Variants in ADCY10 observed in about 807,000 individuals in gnomAD.
ADCY10 encodes the protein adenylate cyclase 10.
A neutral mutation model predicts 183.3 loss-of-function variants in ADCY10; 156 were observed. That is an observed-to-expected ratio of 0.85 (90% CI 0.75 to 0.97). The LOEUF (loss-of-function observed/expected upper bound fraction) is 0.97, where lower values mean the gene tolerates loss of function less well. ADCY10 is among the 50% of genes least tolerant of loss of function. The probability of loss-of-function intolerance (pLI) is 0.00; values close to 1 mark genes in which losing one functional copy is unlikely to be tolerated. For missense variants in ADCY10, 1,745 were observed against 1,934.3 expected (o/e 0.90, Z 1.84); for synonymous variants, 645 against 670.0 (o/e 0.96, Z 0.58).
intron 14 of ADCY10, among the ~76,000 whole-genome samples, chr1:167,869,449 C>T (rs1183395278): frequency 6.6e-6 from 1 of 152,126 alleles, no homozygotes; most frequent in Non-Finnish European, 1.5e-5. Flanking sequence ...GAGACCCTCT[C>T]ATATTGTTTT....
At chr1:167,815,104 G>A (rs567853690) in intron 31 of ADCY10, among the ~76,000 whole-genome samples, 7 of 152,074 alleles carry the variant, frequency 4.6e-5, no homozygotes, top group Non-Finnish European at 8.8e-5. Flanking sequence ...CAGCCTGGGC[G>A]ACAGAGTGAG....
chr1:167,849,896 A>C (rs551342876), intron 18 of ADCY10, among the ~76,000 whole-genome samples: 20 of 152,166 alleles, frequency 1.3e-4, no homozygotes, highest in Non-Finnish European at 2.8e-4. Context: ...AGGGGAATGG[A>C]GCGGCCCAGC....
chr1:167,874,127 A>T (rs203824), intron 13 of ADCY10, among the ~76,000 whole-genome samples: 56,384 of 151,916 alleles, frequency 0.37, 11,271 homozygotes, highest in African/African-American at 0.52. Flanking sequence ...AAGTTAGGAG[A>T]TCAAGACCAG....
chr1:167,895,073 T>C (rs1380206220), intron 7 of ADCY10, among the ~76,000 whole-genome samples: 1 of 150,958 alleles, frequency 6.6e-6, no homozygotes, highest in Non-Finnish European at 1.5e-5. Flanking sequence ...TCCCAGCTAC[T>C]CAGGAGGCTG....
intron 7 of ADCY10, among the ~76,000 whole-genome samples, chr1:167,894,512 T>C (rs1444680428): frequency 6.6e-6 from 1 of 151,880 alleles, no homozygotes; most frequent in Non-Finnish European, 1.5e-5. Flanking sequence ...TGCTCTAGGA[T>C]AGACTGATAA....
At chr1:167,846,365 C>A (rs1665030324) in intron 19 of ADCY10, 102 bp from the exon 20 acceptor site, 1 of 1,441,796 alleles carries the variant, frequency 6.9e-7, no homozygotes, top group Non-Finnish European at 9.7e-7. Context: ...CTCTACAGTT[C>A]TTGTTGCAAG....
In ADCY10 at chr1:167,833,036, T is replaced by C. The variant is rs144341871; in HGVS notation, c.3544A>G (p.Arg1182Gly). 3.1e-6 allele frequency: 5 copies of C among 1,614,170 alleles called. No individual in the cohort carries two copies. The highest frequency in any genetic ancestry group is 4.2e-6 in the Non-Finnish European group (5 of 1,180,018). ...LFLHIHVEKN[R>G]HFHYVNRQAQ... ...TGCCGATTCACATAATGAAAGTGTC[T>C]GTTTTTCTCGACATGGATATGGAGA... Residue 1182 changes from arginine (R) to glycine (G), a missense_variant, in exon 25 of 33, where the codon AGA becomes GGA. Transcript: ENST00000367851.
intron 30 of ADCY10, chr1:167,820,502 A>G (rs1405327466): frequency 2.6e-6 from 1 of 385,436 alleles, no homozygotes; most frequent in African/African-American, 2.1e-5. Flanking sequence ...TGAGATAGAC[A>G]AGAAAAATAA....
At chr1:167,826,126 A>G (rs1571228429) in intron 26 of ADCY10, among the ~76,000 whole-genome samples, 1 of 152,180 alleles carries the variant, frequency 6.6e-6, no homozygotes, top group Admixed American at 6.5e-5. Context: ...AGGTCCCTGG[A>G]TACTTAAACC....
At chr1:167,838,941 C>T (rs1571264729) in intron 21 of ADCY10, among the ~76,000 whole-genome samples, 1 of 152,194 alleles carries the variant, frequency 6.6e-6, no homozygotes, top group Non-Finnish European at 1.5e-5. Context: ...TTTTCTTACC[C>T]CCTTCCCTAT....
At chr1:167,864,089 A>T (rs1666494645) in intron 14 of ADCY10, among the ~76,000 whole-genome samples, 1 of 152,082 alleles carries the variant, frequency 6.6e-6, no homozygotes, top group Non-Finnish European at 1.5e-5. Context: ...ATTGCTTGAT[A>T]CTTTGGTTTT....
intron 2 of ADCY10, 47 bp from the exon 3 acceptor site, chr1:167,904,038 A>G (rs1242584890): frequency 2.2e-6 from 3 of 1,368,214 alleles, no homozygotes; most frequent in South Asian, 2.3e-5. Context: ...GGGGGAATCA[A>G]ACAGAGCCAG....
intron 1 of ADCY10, among the ~76,000 whole-genome samples, chr1:167,913,444 G>C (rs966558934): frequency 2.0e-5 from 3 of 152,218 alleles, no homozygotes; most frequent in Admixed American, 6.5e-5. Context: ...AGTGTTACCT[G>C]TCATGAAAGC....
At position 167,896,650 on chromosome 1, in the gene ADCY10, T is replaced by C; in HGVS notation, c.684A>G (p.Glu228=). The C allele has an allele frequency of 6.2e-7, 1 of 1,613,594 alleles. No individual in the cohort carries two copies. Among genetic ancestry groups the C allele is most frequent in the African/African-American group, 1.3e-5 (1 of 74,978 alleles). Residue 228 remains glutamate, a synonymous_variant, in exon 7 of 33, where the codon GAA becomes GAG. Transcript: ENST00000367851. The part of the protein sequence containing the change: ...LKPPPNFNFD[E]FFTKCTTFMH... ...TGAAGGTCGTACACTTTGTGAAAAA[T>C]TCATCAAAATTAAAATTGGGGGGTG...
rs1165931033 is a variant in ADCY10, at chr1:167,905,128, T to C, written c.13A>G (p.Lys5Glu). Reference protein sequence around the residue: MNTPKEEFQDWPIVR... With the variant: MNTPEEEFQDWPIVR... ...ATGGGCCAGTCCTGGAATTCTTCTTTTGGAGTGTTCATGTTCAAGACAAAT... is the reference window on the plus strand; with the variant it reads ...ATGGGCCAGTCCTGGAATTCTTCTTCTGGAGTGTTCATGTTCAAGACAAAT... Residue 5 changes from lysine (K) to glutamate (E), a missense_variant, in exon 2 of 33, where the codon AAA (lysine) becomes GAA (glutamate). Lys to Glu is a moderately conservative substitution (Grantham distance 56). Coordinates refer to ENST00000367851, the MANE Select transcript of ADCY10 (RefSeq NM_018417.6). 2 of 1,614,228 alleles carry C rather than the reference T, an allele frequency of 1.2e-6. No homozygotes were observed. The highest frequency in any genetic ancestry group is 2.7e-5 in the African/African-American group (2 of 75,070).
At chr1:167,824,366 T>A in intron 28 of ADCY10, 110 bp downstream of exon 28, 1 of 906,506 alleles carries the variant, frequency 1.1e-6, no homozygotes, top group Non-Finnish European at 1.9e-6. Flanking sequence ...ATTTTCTTAC[T>A]GCAAACTCTA....
chr1:167,887,911 A>G (rs189032577), intron 8 of ADCY10, among the ~76,000 whole-genome samples: 7 of 152,190 alleles, frequency 4.6e-5, no homozygotes, highest in Admixed American at 1.3e-4. Flanking sequence ...TTCTTGTAGT[A>G]GTTTCATGGT....
At chr1:167,876,989 AC>A (rs1306061385) in intron 12 of ADCY10, among the ~76,000 whole-genome samples, 1 of 152,028 alleles carries the variant, frequency 6.6e-6, no homozygotes, top group Admixed American at 6.6e-5. Flanking sequence ...AGTCTGTTGA[AC>A]CCCAGGCACG....
Position 167,845,790 on chromosome 1 carries a change from C to T in ADCY10, c.2780G>A (p.Arg927Gln). ...TTTCTGCATCATAGGGTTACAGAAT[C>T]GAATCCTGTGGCACTCGATCACCTC... The part of the protein sequence containing the change: ...ENEVIECHRI[R>Q]FCNPMMQKTA... Residue 927 changes from arginine (R) to glutamine (Q), a missense_variant, in exon 21 of 33, where the codon CGA becomes CAA. Transcript: ENST00000367851. 1.2e-6 allele frequency: 2 copies of T among 1,614,170 alleles called. No individual in the cohort carries two copies. Among genetic ancestry groups the T allele is most frequent in the South Asian group, 1.1e-5 (1 of 91,070 alleles).
Sources: gnomAD v4.1 joint callset for allele counts (sites outside exome capture counted in the v4.1 genomes callset) on GRCh38, gnomAD v4.1.1 for gene constraint, MANE v1.5 for transcripts, NCBI Gene and HGNC (gene_info 2026-07-23, HGNC 2026-07-21) for gene names.